The following CADM2 variants were observed in gnomAD, a reference collection of about 807,000 sequenced individuals.
CADM2 encodes the protein immunoglobulin superfamily member 4D.
In CADM2, 12 loss-of-function variants were observed where a neutral mutation model predicts 49.8. The ratio of observed to expected loss-of-function variants is 0.24; its 90% confidence interval spans 0.15 to 0.39. The LOEUF (loss-of-function observed/expected upper bound fraction) is 0.39. CADM2 is among the 10% of genes least tolerant of loss of function. The pLI is 1.00. For missense variants in CADM2, 378 were observed against 492.3 expected (o/e 0.77, Z 2.20); for synonymous variants, 214 against 175.4 (o/e 1.22, Z -1.74).
intron 1 of CADM2, among the ~76,000 whole-genome samples, chr3:85,079,859 C>A (rs1356193229): frequency 6.6e-6 from 1 of 151,606 alleles, no homozygotes; most frequent in Admixed American, 6.6e-5. Context: ...ACCATGAACG[C>A]AAAATAAACA....
chr3:85,963,296 A>G (rs1244470481), intron 8 of CADM2, among the ~76,000 whole-genome samples: 2 of 151,954 alleles, frequency 1.3e-5, no homozygotes, highest in Non-Finnish European at 2.9e-5. Context: ...ACTTTGGAAA[A>G]ATTAGCCTAA....
rs10662960 is a variant in CADM2 at position 85,308,310 on chromosome 3, T to TACACACACACACACAC, written c.61+348658_61+348673dup. Among the ~76,000 whole-genome samples the TACACACACACACACAC allele has an allele frequency of 5.6e-3, 804 of 143,578 alleles. 2 individuals carry two copies. Among genetic ancestry groups the TACACACACACACACAC allele is most frequent in the Middle Eastern group, 0.021 (6 of 284 alleles). The allele number at this position is 143,578 out of a possible 152,430, so 94.2% of individuals were successfully genotyped here. Reference sequence around the variant, plus strand: ...ATATCTATATCTATATCTACCTCTCTACACACACACACACACACACACACA... The same window carrying TACACACACACACACAC: ...ATATCTATATCTATATCTACCTCTCTACACACACACACACACACACACACACACACACACACACACA... On this transcript the variant is annotated intron_variant, in intron 1 of 9. Transcript: ENST00000383699.
rs1454511882 is a variant in CADM2 at position 85,193,288 on chromosome 3, G to A, written c.61+233620G>A. 2.6e-5 allele frequency among the ~76,000 whole-genome samples: 4 copies of A among 152,078 alleles called. No homozygotes were observed. The East Asian group carries it at 7.8e-4, about 30-fold the overall frequency. On this transcript the variant is annotated intron_variant, in intron 1 of 9. Coordinates refer to ENST00000383699, the MANE Select transcript of CADM2 (RefSeq NM_001167675.2). ...ATAGATCATTTTCTCTGGTCTTTAT[G>A]TGTGTCTTTATGCTGATGATGATAG...
At chr3:85,104,732 G>A (rs368619927) in intron 1 of CADM2, among the ~76,000 whole-genome samples, 3 of 151,882 alleles carry the variant, frequency 2.0e-5, no homozygotes, top group Admixed American at 6.6e-5. Context: ...TGTTTGTATC[G>A]TCTTTTATTT....
chr3:85,282,887 A>T (rs1402677150), intron 1 of CADM2, among the ~76,000 whole-genome samples: 1 of 152,128 alleles, frequency 6.6e-6, no homozygotes, highest in East Asian at 1.9e-4. Flanking sequence ...AAATACCTAG[A>T]GGAGAAGATT....
At chr3:85,937,536 C>T (rs1215081181) in intron 7 of CADM2, among the ~76,000 whole-genome samples, 1 of 151,928 alleles carries the variant, frequency 6.6e-6, no homozygotes, top group African/African-American at 2.4e-5. Flanking sequence ...AAAGCCTTAA[C>T]TCTTTCTATT....
intron 1 of CADM2, among the ~76,000 whole-genome samples, chr3:85,144,243 A>ACG (rs201457571): frequency 0.022 from 2,193 of 98,616 alleles, 37 homozygotes; most frequent in South Asian, 0.032. Flanking sequence ...TTTGTTACAC[A>ACG]CGCACACACA....
chr3:85,756,996 C>T (rs1034021517), intron 2 of CADM2, among the ~76,000 whole-genome samples: 4 of 152,098 alleles, frequency 2.6e-5, no homozygotes, highest in African/African-American at 9.7e-5. Context: ...ATTCATTGAT[C>T]TCCACTTGGG....
chr3:85,183,585 T>C (rs2040985582), intron 1 of CADM2, among the ~76,000 whole-genome samples: 1 of 152,150 alleles, frequency 6.6e-6, no homozygotes, highest in South Asian at 2.1e-4. Flanking sequence ...CTCTTTCTGC[T>C]GAGACAGCTA....
At chr3:85,720,362 T>C (rs1262623002) in intron 1 of CADM2, among the ~76,000 whole-genome samples, 1 of 152,320 alleles carries the variant, frequency 6.6e-6, no homozygotes, top group Non-Finnish European at 1.5e-5. Context: ...TTTACTGATA[T>C]TACCTGAATG....
intron 1 of CADM2, among the ~76,000 whole-genome samples, chr3:85,242,677 C>A (rs1278983274): frequency 6.6e-6 from 1 of 151,692 alleles, no homozygotes; most frequent in Non-Finnish European, 1.5e-5. Context: ...CATTGATACA[C>A]TGGTATTTTT....
At chr3:85,370,505 G>A (rs1312881380) in intron 1 of CADM2, among the ~76,000 whole-genome samples, 1 of 152,016 alleles carries the variant, frequency 6.6e-6, no homozygotes, top group Admixed American at 6.6e-5. Context: ...CTGTCATAAA[G>A]TAATAGCACA....
chr3:85,075,503 A>G (rs1007343429), intron 1 of CADM2, among the ~76,000 whole-genome samples: 1 of 152,172 alleles, frequency 6.6e-6, no homozygotes, highest in Admixed American at 6.5e-5. Flanking sequence ...AGAAAAGATT[A>G]TTCTTTGCCA....
intron 1 of CADM2, among the ~76,000 whole-genome samples, chr3:85,554,839 C>T (rs578078164): frequency 1.3e-5 from 2 of 151,670 alleles, no homozygotes; most frequent in Admixed American, 1.3e-4. Flanking sequence ...CACCACCATG[C>T]TCAGCTAATA....
At chr3:85,601,886 A>C in intron 1 of CADM2, among the ~76,000 whole-genome samples, 1 of 151,718 alleles carries the variant, frequency 6.6e-6, no homozygotes, top group East Asian at 1.9e-4. Context: ...TCTTCTATTT[A>C]TGTATTTCAA....
At chr3:85,739,794 T>C (rs1343181196) in intron 2 of CADM2, among the ~76,000 whole-genome samples, 1 of 152,148 alleles carries the variant, frequency 6.6e-6, no homozygotes, top group East Asian at 1.9e-4. Context: ...ACATAAGCTA[T>C]TATTGGTAAC....
At chr3:86,013,201 G>A in intron 8 of CADM2, 1 of 1,379,746 alleles carries the variant, frequency 7.2e-7, no homozygotes, top group Non-Finnish European at 1.0e-6. Flanking sequence ...GAAAAACATT[G>A]ATGAAACTTC....
At chr3:85,191,995 A>T (rs930031250) in intron 1 of CADM2, among the ~76,000 whole-genome samples, 1 of 150,896 alleles carries the variant, frequency 6.6e-6, no homozygotes, top group African/African-American at 2.4e-5. Context: ...ACAAAGCTCA[A>T]TCCAACTCTG....
At chr3:85,801,947 A>T in intron 2 of CADM2, 100 bp from the exon 3 acceptor site, 2 of 978,242 alleles carry the variant, frequency 2.0e-6, no homozygotes, top group Non-Finnish European at 2.9e-6. Context: ...GGTTGTTTTA[A>T]ATTTTATTTT....
Sources: allele counts gnomAD v4.1 joint callset (sites outside exome capture counted in the v4.1 genomes callset), GRCh38; gene constraint gnomAD v4.1.1; transcripts MANE v1.5; gene names NCBI Gene and HGNC (gene_info 2026-07-23, HGNC 2026-07-21).